Variants in IL17REL observed in about 807,000 individuals in gnomAD.
IL17REL encodes the protein interleukin-17 receptor E-like protein.
IL17REL carries 36 observed loss-of-function variants against 49.0 expected under a neutral mutation model. The observed-to-expected ratio is 0.73, with a 90% CI of 0.56 to 0.97. The LOEUF is 0.97. Ranked by LOEUF, IL17REL falls within the 50% of genes least tolerant of loss-of-function variation. The pLI, the probability that IL17REL is intolerant of heterozygous loss-of-function variation, is 0.00. For synonymous variants in IL17REL, 206 were observed against 192.4 expected, an observed-to-expected ratio of 1.07 and a Z score of -0.58; for missense variants, 470 against 453.9, an observed-to-expected ratio of 1.04 and a Z score of -0.32.
At chr22:49,995,475 C>G (rs1321753899) in exon 13 of IL17REL, 2 of 152,308 alleles carry the variant, frequency 1.3e-5, no homozygotes, top group Non-Finnish European at 2.9e-5. Context: ...ACACCCCACA[C>G]TCTCGGAGGG....
At chr22:50,000,723 C>T (rs1376568356) in intron 3 of IL17REL, 31 bp downstream of exon 4, 2 of 1,559,006 alleles carry the variant, frequency 1.3e-6, no homozygotes, top group African/African-American at 1.4e-5. Flanking sequence ...GTCTTCGGGA[C>T]TTGGGTGGCA....
At chr22:49,996,686 T>G in exon 13 of IL17REL, 1 of 273,616 alleles carries the variant, frequency 3.7e-6, no homozygotes, top group African/African-American at 2.2e-5. Context: ...CAGGGCCGGA[T>G]GGTCTCCCCG....
chr22:49,993,490 G>T (rs373688170), downstream of IL17REL, among the ~76,000 whole-genome samples: 3 of 152,274 alleles, frequency 2.0e-5, no homozygotes, highest in Admixed American at 6.5e-5. The surrounding 1 kb of genome is among the most constrained non-coding windows in gnomAD (Gnocchi z 6.0). Flanking sequence ...TGGGCGCTCC[G>T]TGTTGGGTGC....
Position 50,000,606 on chromosome 22 carries a change from G to C in IL17REL, c.220-14C>G. The C allele has an allele frequency of 6.2e-7, 1 of 1,605,456 alleles. No homozygotes were observed. Among genetic ancestry groups the C allele is most frequent in the South Asian group, 1.1e-5 (1 of 90,928 alleles). ...GTGCACTTGGAGCTGAGCAGGTGCAGGTGTGAGCTGCGTGGACTCAGAGGC... is the reference window on the plus strand; with the variant it reads ...GTGCACTTGGAGCTGAGCAGGTGCACGTGTGAGCTGCGTGGACTCAGAGGC... On this transcript the variant is annotated splice_polypyrimidine_tract_variant and intron_variant, in intron 3 of 12. Transcript: ENST00000341280.
Position 49,999,420 on chromosome 22 carries a change from C to T in IL17REL, c.546+11G>A, listed in dbSNP as rs1210817380. The T allele has an allele frequency of 6.2e-7, 1 of 1,612,478 alleles. No homozygotes were observed. Among genetic ancestry groups the T allele is most frequent in the Admixed American group, 1.7e-5 (1 of 59,978 alleles). On this transcript the variant is annotated intron_variant, in intron 6 of 12. Transcript: ENST00000341280. ...TCACCCGCCCCAAGTCCAGGCCACA[C>T]CTCCACCGACCTCCAGGCACAGGCA...
At chr22:50,000,835 G>T in exon 3 of IL17REL, 1 of 1,595,284 alleles carries the variant, frequency 6.3e-7, no homozygotes. Flanking sequence ...CCAGGCTCAT[G>T]GCACAGGCCT....
At chr22:49,999,164 G>A (rs933810967) in intron 7 of IL17REL, 127 bp downstream of exon 9, 3 of 1,158,948 alleles carry the variant, frequency 2.6e-6, no homozygotes, top group Non-Finnish European at 3.9e-6. Context: ...AAGCCCTTCC[G>A]AGCAGGCTCA....
At chr22:49,993,579 G>T (rs1290543050), downstream of IL17REL, among the ~76,000 whole-genome samples, 1 of 152,192 alleles carries the variant, frequency 6.6e-6, no homozygotes, top group African/African-American at 2.4e-5. This position sits in a 1 kb window ranked among gnomAD's most constrained non-coding sequence, Gnocchi z 6.0. Context: ...CCTCCAGCAG[G>T]TTCCTCCCTT....
exon 8 of IL17REL, chr22:49,998,193 C>T (rs1379249176): frequency 1.9e-6 from 3 of 1,611,588 alleles, no homozygotes; most frequent in South Asian, 1.1e-5. Flanking sequence ...GCCCCCGGCC[C>T]CGGGCGCCAG....
chr22:49,995,190 C>A, exon 13 of IL17REL: 1 of 152,656 alleles, frequency 6.6e-6, no homozygotes, highest in Non-Finnish European at 1.5e-5. Flanking sequence ...GGGTTGCACC[C>A]TGCACCCCAG....
downstream of IL17REL, among the ~76,000 whole-genome samples, chr22:49,994,332 C>G (rs1004042918): frequency 6.6e-6 from 1 of 152,188 alleles, no homozygotes; most frequent in Non-Finnish European, 1.5e-5. Flanking sequence ...CTCAAATCCA[C>G]TCCCAGAGAC....
At chr22:49,996,733 G>A (rs762016977) in exon 13 of IL17REL, 6 of 410,816 alleles carry the variant, frequency 1.5e-5, no homozygotes, top group Admixed American at 1.3e-4. Context: ...TGCACGCCAC[G>A]CCCAGCCTGC....
downstream of IL17REL, among the ~76,000 whole-genome samples, chr22:49,993,080 A>G (rs2061014140): frequency 6.6e-6 from 1 of 152,090 alleles, no homozygotes; most frequent in African/African-American, 2.4e-5. The surrounding 1 kb of genome is among the most constrained non-coding windows in gnomAD (Gnocchi z 6.0). Flanking sequence ...TTTGCCTGGG[A>G]CTGTCCTGGT....
intron 1 of IL17REL, among the ~76,000 whole-genome samples, chr22:50,008,147 C>T (rs2061119882): frequency 6.6e-6 from 1 of 152,144 alleles, no homozygotes; most frequent in Admixed American, 6.5e-5. Context: ...GCAATGTTTG[C>T]CTAGGTAAAC....
intron 7 of IL17REL, among the ~76,000 whole-genome samples, chr22:49,998,555 G>A (rs953968728): frequency 2.0e-5 from 3 of 151,122 alleles, no homozygotes; most frequent in East Asian, 4.0e-4. Context: ...GTATGGGTGT[G>A]CGTGAGTGTG....
At position 49,997,241 on chromosome 22, in the gene IL17REL, G is replaced by A. The variant is rs931965246; in HGVS notation, c.974+79C>T. 5 of 1,481,552 alleles carry A rather than the reference G, an allele frequency of 3.4e-6. No individual in the cohort carries two copies. In the East Asian group the frequency reaches 1.2e-4, roughly 35 times the overall value. The allele number at this position is 1,481,552 out of a possible 1,614,324, so 91.8% of individuals were successfully genotyped here. On this transcript the variant is annotated intron_variant, in intron 11 of 12. Transcript: ENST00000341280. ...GGGCTCAGGGCCCGGGTGGGGCAGA[G>A]ACCACCACAGGGAAGTGATGGGGTC...
exon 7 of IL17REL, chr22:49,999,322 C>G: frequency 6.2e-7 from 1 of 1,612,986 alleles, no homozygotes; most frequent in South Asian, 1.1e-5. Context: ...GGATCCGCAC[C>G]GCGTCAGGGG....
At chr22:50,011,433 G>T (rs1166275640), upstream of IL17REL, among the ~76,000 whole-genome samples, 2 of 151,880 alleles carry the variant, frequency 1.3e-5, no homozygotes, top group Admixed American at 6.6e-5. Context: ...CCCCGCAGCC[G>T]CCTCAGCAAA....
chr22:49,999,850 T>G, exon 5 of IL17REL: 12 of 1,523,590 alleles, frequency 7.9e-6, no homozygotes, highest in Non-Finnish European at 1.1e-5. Flanking sequence ...GCCGGCGTCC[T>G]CGCAGGTGAA....
Sources: allele counts gnomAD v4.1 joint callset (sites outside exome capture counted in the v4.1 genomes callset), GRCh38; gene constraint gnomAD v4.1.1; non-coding constraint Gnocchi (gnomAD v3.1); transcripts MANE v1.5; gene names NCBI Gene and HGNC (gene_info 2026-07-23, HGNC 2026-07-21).